The following ANKRD31 variants were observed in gnomAD, a reference collection of about 807,000 sequenced individuals.
ANKRD31 encodes the protein ankyrin repeat domain 31.
ANKRD31 carries 147 observed loss-of-function variants against 186.0 expected under a neutral mutation model. The observed-to-expected ratio is 0.79, with a 90% CI of 0.69 to 0.91. The LOEUF (loss-of-function observed/expected upper bound fraction) is 0.91, where lower values mean the gene tolerates loss of function less well. Among genes scored for constraint, ANKRD31 ranks in the 40% least tolerant of loss-of-function variants. ANKRD31 has a pLI of 0.00. For missense variants in ANKRD31, 1,986 were observed against 2,148.8 expected, an observed-to-expected ratio of 0.92 and a Z score of 1.50; for synonymous variants, 673 against 736.4, an observed-to-expected ratio of 0.91 and a Z score of 1.39.
chr5:75,119,162 A>G (rs554667707), intron 17 of ANKRD31, among the ~76,000 whole-genome samples: 1 of 152,194 alleles, frequency 6.6e-6, no homozygotes, highest in Non-Finnish European at 1.5e-5. Flanking sequence ...GGTATATTGC[A>G]TGATGCTGAG....
chr5:75,210,106 T>G (rs1380410341), intron 4 of ANKRD31, among the ~76,000 whole-genome samples: 1 of 152,200 alleles, frequency 6.6e-6, no homozygotes, highest in East Asian at 1.9e-4. Flanking sequence ...TTGAGAATCA[T>G]TGTTTTAAAA....
In ANKRD31 at chr5:75,229,895, A is replaced by C. The variant is rs796348708; in HGVS notation, c.178+667T>G. ...AAAAAAAAAAAAAAAAAACAAAAAA[A>C]ACATCAATTCCCAGCAAGGGCCACT... is the stretch of plus-strand genomic sequence containing the variant. On this transcript the variant is annotated intron_variant, in intron 2 of 25. Coordinates refer to ENST00000506364, the MANE Select transcript of ANKRD31 (RefSeq NM_001372053.1). 3.7e-3 allele frequency among the ~76,000 whole-genome samples: 507 copies of C among 137,302 alleles called. 8 individuals are homozygous for C. Among genetic ancestry groups the C allele is most frequent in the African/African-American group, 0.015 (488 of 32,606 alleles). 90.1% of individuals were successfully genotyped at this position (137,302 alleles called of 152,430 possible). A position where few individuals can be genotyped will look rare whatever the true frequency, so the allele number is the denominator to read the frequency against.
At chr5:75,071,902 G>C (rs1744264867) in intron 25 of ANKRD31, among the ~76,000 whole-genome samples, 1 of 152,190 alleles carries the variant, frequency 6.6e-6, no homozygotes, top group African/African-American at 2.4e-5. Context: ...CAAAGGTGCA[G>C]AGCAGGGAGG....
intron 7 of ANKRD31, among the ~76,000 whole-genome samples, chr5:75,194,134 C>T (rs924608915): frequency 7.2e-5 from 11 of 152,096 alleles, no homozygotes; most frequent in East Asian, 1.9e-4. Flanking sequence ...ATTCTTTATA[C>T]GTATCATCTA....
At chr5:75,148,154 GA>G (rs913424949) in intron 13 of ANKRD31, among the ~76,000 whole-genome samples, 12 of 151,806 alleles carry the variant, frequency 7.9e-5, no homozygotes, top group Admixed American at 5.9e-4. Context: ...TGGTCTGTAT[GA>G]AAAAATTATT....
At chr5:75,190,819 C>T (rs1755062238) in intron 9 of ANKRD31, among the ~76,000 whole-genome samples, 3 of 151,896 alleles carry the variant, frequency 2.0e-5, no homozygotes. Context: ...CCATCACCAC[C>T]ATTAAGGCCA....
rs192634376 is a variant in ANKRD31, at chr5:75,214,383, G to A, written c.289-3518C>T. The stretch of plus-strand genomic sequence containing the variant: ...GAAGCAAGTTAGGATGAATTAAAGA[G>A]CCAGGAAAAGTATACCATTGGCAGT... On this transcript the variant is annotated intron_variant, in intron 3 of 25. Coordinates refer to ENST00000506364, the MANE Select transcript of ANKRD31 (RefSeq NM_001372053.1). 3.8e-3 allele frequency among the ~76,000 whole-genome samples: 573 copies of A among 152,322 alleles called. 2 individuals are homozygous for A. The highest frequency in any genetic ancestry group is 6.8e-3 in the Middle Eastern group (2 of 294).
intron 6 of ANKRD31, among the ~76,000 whole-genome samples, chr5:75,197,180 G>A (rs78909115): frequency 1.3e-5 from 2 of 152,088 alleles, no homozygotes; most frequent in Non-Finnish European, 2.9e-5. Context: ...GGGATTACAC[G>A]CATGAGCCAC....
intron 20 of ANKRD31, among the ~76,000 whole-genome samples, chr5:75,111,973 G>C (rs887960591): frequency 6.6e-6 from 1 of 151,988 alleles, no homozygotes; most frequent in South Asian, 2.1e-4. Context: ...CAACACACAG[G>C]GTAACATAAT....
intron 24 of ANKRD31, among the ~76,000 whole-genome samples, chr5:75,081,244 G>C (rs1301490207): frequency 6.6e-6 from 1 of 152,056 alleles, no homozygotes; most frequent in African/African-American, 2.4e-5. Context: ...TACCTCCATG[G>C]TTCTTAAATT....
At chr5:75,197,760 G>C (rs1340375614) in intron 6 of ANKRD31, among the ~76,000 whole-genome samples, 1 of 152,036 alleles carries the variant, frequency 6.6e-6, no homozygotes, top group Admixed American at 6.6e-5. Context: ...TAAGATTCAA[G>C]ACATAAATAC....
At chr5:75,173,012 A>G (rs952846949) in intron 10 of ANKRD31, among the ~76,000 whole-genome samples, 2 of 152,238 alleles carry the variant, frequency 1.3e-5, no homozygotes, top group African/African-American at 4.8e-5. Flanking sequence ...AACCGAATCC[A>G]GCAGCACATC....
Position 75,146,948 on chromosome 5 carries a change from A to G in ANKRD31, c.2463T>C (p.Val821=). 6.5e-7 allele frequency: 1 copy of G among 1,536,360 alleles called. No homozygotes were observed. Among genetic ancestry groups the G allele is most frequent in the Non-Finnish European group, 8.7e-7 (1 of 1,146,310 alleles). ...CAACAGATTCTAATTCCAAGCATTG[A>G]ACTTCTTGACTATCTGATAAATCCA... ...QNLDLSDSQE[V]QCLELESVDQ... The change falls in exon 14 of 26, where the codon GTT becomes GTC. Residue 821 remains valine, a synonymous_variant. Transcript: ENST00000506364.
intron 2 of ANKRD31, among the ~76,000 whole-genome samples, 192 bp from the exon 3 acceptor site, chr5:75,222,550 G>GC (rs1399845321): frequency 6.6e-6 from 1 of 151,528 alleles, no homozygotes; most frequent in African/African-American, 2.4e-5. Flanking sequence ...GTATACGTGT[G>GC]CCATGGTGGT....
In ANKRD31 at chr5:75,104,511, T is replaced by C. The variant is rs893841106; in HGVS notation, c.5048A>G (p.Gln1683Arg). 79 of 1,537,020 alleles carry C rather than the reference T, an allele frequency of 5.1e-5. No individual in the cohort carries two copies. In the Admixed American group the frequency reaches 1.5e-3, roughly 29 times the overall value. The change falls in exon 22 of 26, where the codon CAA becomes CGA. Residue 1683 changes from glutamine to arginine, a missense_variant. Transcript: ENST00000506364. ...AGATTCTGATGCCCCTGTAGGTGAT[T>C]GCTGGGAACTTGTTTTTCTGTTTCC... is the stretch of plus-strand genomic sequence containing the variant. Reference protein sequence around the residue: ...KRGNRKTSSQQSPTGASESLA... With the variant: ...KRGNRKTSSQRSPTGASESLA...
At chr5:75,130,445 C>T (rs977906233) in intron 17 of ANKRD31, among the ~76,000 whole-genome samples, 3 of 152,214 alleles carry the variant, frequency 2.0e-5, no homozygotes, top group South Asian at 4.1e-4. Flanking sequence ...CTGATTGGTC[C>T]ACTTTAAAGA....
chr5:75,108,042 G>T (rs1285953789), intron 20 of ANKRD31, among the ~76,000 whole-genome samples: 3 of 151,842 alleles, frequency 2.0e-5, no homozygotes, highest in African/African-American at 7.3e-5. Flanking sequence ...TAGATGAAAA[G>T]TAAGAGTATC....
chr5:75,209,505 T>G (rs555848154), intron 4 of ANKRD31, among the ~76,000 whole-genome samples: 3 of 151,962 alleles, frequency 2.0e-5, no homozygotes, highest in Non-Finnish European at 2.9e-5. Context: ...GGCAAAACCC[T>G]GTCTCTACTA....
rs543379825 is a variant in ANKRD31, at chr5:75,102,927, G to A, written c.5331+1301C>T. ...TGTTTCGGCTCACACTCTGTGGGCTGCACGCACTGTCCGATAAGCCCCAGT... is the reference window on the plus strand; with the variant it reads ...TGTTTCGGCTCACACTCTGTGGGCTACACGCACTGTCCGATAAGCCCCAGT... On this transcript the variant is annotated intron_variant, in intron 22 of 25. Coordinates refer to ENST00000506364, the MANE Select transcript of ANKRD31 (RefSeq NM_001372053.1). Among the ~76,000 whole-genome samples, 4 of 152,268 alleles carry A rather than the reference G, an allele frequency of 2.6e-5. No individual in the cohort carries two copies. The East Asian group carries it at 5.8e-4, about 22-fold the overall frequency.
Sources: gnomAD v4.1 joint callset for allele counts (sites outside exome capture counted in the v4.1 genomes callset) on GRCh38, gnomAD v4.1.1 for gene constraint, MANE v1.5 for transcripts, NCBI Gene and HGNC (gene_info 2026-07-23, HGNC 2026-07-21) for gene names.